SGCZ: variants seen among roughly 807,000 people sequenced by gnomAD.
SGCZ encodes the protein zeta-sarcoglycan.
Under a neutral mutation model 41.3 loss-of-function variants are expected in SGCZ, and 40 were observed. The ratio of observed to expected loss-of-function variants is 0.97; its 90% CI spans 0.75 to 1.26. The LOEUF (loss-of-function observed/expected upper bound fraction) is 1.26. SGCZ is among the 50% of genes most tolerant of loss of function. SGCZ has a pLI of 0.00. For synonymous variants in SGCZ, 206 were observed against 137.5 expected (o/e 1.50, Z -3.49); for missense variants, 552 against 369.8 (o/e 1.49, Z -4.04).
chr8:14,385,082 T>G (rs185686701), intron 2 of SGCZ, among the ~76,000 whole-genome samples: 1 of 152,298 alleles, frequency 6.6e-6, no homozygotes, highest in East Asian at 1.9e-4. Context: ...TGCTGATAGA[T>G]GATTAACAAC....
At chr8:14,436,871 T>C (rs1208198682) in intron 2 of SGCZ, among the ~76,000 whole-genome samples, 2 of 152,170 alleles carry the variant, frequency 1.3e-5, no homozygotes, top group Non-Finnish European at 2.9e-5. Flanking sequence ...CAAAATATGG[T>C]TATTCAGGCT....
chr8:14,640,902 G>C (rs1311772784), intron 1 of SGCZ, among the ~76,000 whole-genome samples: 2 of 151,574 alleles, frequency 1.3e-5, no homozygotes, highest in Admixed American at 6.6e-5. Flanking sequence ...ATCTTATTTA[G>C]AATATCTGGA....
At chr8:14,532,747 A>G (rs55653546) in intron 2 of SGCZ, among the ~76,000 whole-genome samples, 33,266 of 149,504 alleles carry the variant, frequency 0.22, 4,787 homozygotes, top group Non-Finnish European at 0.32. Flanking sequence ...TGTTACCATA[A>G]TACAATAAGT....
chr8:14,450,319 T>C (rs1355876757), intron 2 of SGCZ, among the ~76,000 whole-genome samples: 1 of 143,320 alleles, frequency 7.0e-6, no homozygotes, highest in Non-Finnish European at 1.6e-5. Flanking sequence ...CCTGCAAGTA[T>C]TGCGGTATGC....
chr8:14,307,629 G>A (rs1366316398), intron 3 of SGCZ, among the ~76,000 whole-genome samples: 5 of 152,104 alleles, frequency 3.3e-5, no homozygotes, highest in African/African-American at 1.2e-4. Context: ...CTTGGTATAA[G>A]AATTTTGAAA....
chr8:14,533,470 G>T (rs1381409), intron 2 of SGCZ, among the ~76,000 whole-genome samples: 87,232 of 151,766 alleles, frequency 0.57, 25,196 homozygotes, highest in Middle Eastern at 0.71. Context: ...TGCTAATGAG[G>T]AATGTGGAAG....
intron 1 of SGCZ, among the ~76,000 whole-genome samples, chr8:14,850,803 A>T (rs972618088): frequency 6.6e-6 from 1 of 152,066 alleles, no homozygotes; most frequent in East Asian, 1.9e-4. Flanking sequence ...AGGACACCTG[A>T]CAGTTTTAAA....
intron 7 of SGCZ, 112 bp from the exon 8 acceptor site, chr8:14,090,749 A>G (rs1477698338): frequency 8.8e-6 from 8 of 906,982 alleles, no homozygotes; most frequent in Non-Finnish European, 1.3e-5. Context: ...AAACAATTCC[A>G]TGGTTTAGCT....
intron 1 of SGCZ, among the ~76,000 whole-genome samples, chr8:14,935,335 A>T (rs1029094011): frequency 2.6e-5 from 4 of 151,764 alleles, no homozygotes; most frequent in African/African-American, 4.8e-5. Flanking sequence ...GTTGACATAC[A>T]TAACTTTCTT....
chr8:14,908,879 G>C (rs1799199346), intron 1 of SGCZ, among the ~76,000 whole-genome samples: 1 of 151,928 alleles, frequency 6.6e-6, no homozygotes, highest in Admixed American at 6.6e-5. Flanking sequence ...GCGACGAATA[G>C]TTTGTTATTT....
At chr8:15,038,319 G>C (rs757911239) in intron 1 of SGCZ, among the ~76,000 whole-genome samples, 1 of 152,016 alleles carries the variant, frequency 6.6e-6, no homozygotes, top group Non-Finnish European at 1.5e-5. Flanking sequence ...ACGGTCAATT[G>C]ATTTTTGACA....
intron 1 of SGCZ, among the ~76,000 whole-genome samples, chr8:15,139,220 T>C (rs773450647): frequency 2.1e-4 from 32 of 152,202 alleles, no homozygotes; most frequent in Non-Finnish European, 3.2e-4. Context: ...TCTTTAAACA[T>C]AGTTCATATC....
intron 2 of SGCZ, among the ~76,000 whole-genome samples, chr8:14,368,347 G>A (rs749140912): frequency 1.4e-4 from 22 of 151,814 alleles, no homozygotes; most frequent in Admixed American, 3.9e-4. Context: ...TCATATTAGC[G>A]GTAAGAGAAA....
chr8:14,662,172 A>G (rs1388626446), intron 1 of SGCZ, among the ~76,000 whole-genome samples: 3 of 151,962 alleles, frequency 2.0e-5, no homozygotes, highest in African/African-American at 7.3e-5. Flanking sequence ...TTCTGTTTCC[A>G]TTTTCTCCAT....
intron 2 of SGCZ, among the ~76,000 whole-genome samples, chr8:14,368,866 G>C (rs996186802): frequency 6.6e-6 from 1 of 151,702 alleles, no homozygotes; most frequent in African/African-American, 2.4e-5. Flanking sequence ...TTGCAAGAGG[G>C]GAAATCAAAC....
At chr8:14,658,323 T>G (rs1807639368) in intron 1 of SGCZ, among the ~76,000 whole-genome samples, 3 of 152,202 alleles carry the variant, frequency 2.0e-5, no homozygotes, top group Admixed American at 2.0e-4. Context: ...ATAATTGCAG[T>G]GTTGTCCTAA....
At chr8:15,222,879 C>T (rs1236717537) in intron 1 of SGCZ, among the ~76,000 whole-genome samples, 1 of 151,898 alleles carries the variant, frequency 6.6e-6, no homozygotes, top group Non-Finnish European at 1.5e-5. Context: ...CAATTAAAGA[C>T]AACAAATGGA....
intron 2 of SGCZ, among the ~76,000 whole-genome samples, chr8:14,495,006 G>A (rs1167345322): frequency 6.6e-6 from 1 of 152,100 alleles, no homozygotes; most frequent in African/African-American, 2.4e-5. Flanking sequence ...TTATATCCAT[G>A]TGTTTGCCAT....
At chr8:14,097,589 A>G (rs976780401) in intron 7 of SGCZ, among the ~76,000 whole-genome samples, 5 of 152,180 alleles carry the variant, frequency 3.3e-5, no homozygotes, top group African/African-American at 1.2e-4. Flanking sequence ...AGAGTTCTGT[A>G]GATGTTTCTT....
Sources: allele counts gnomAD v4.1 joint callset (sites outside exome capture counted in the v4.1 genomes callset), GRCh38; gene constraint gnomAD v4.1.1; transcripts MANE v1.5; gene names NCBI Gene and HGNC (gene_info 2026-07-23, HGNC 2026-07-21).